Variants in RUBCN observed in about 807,000 individuals in gnomAD.
The protein encoded by RUBCN is run domain Beclin-1-interacting and cysteine-rich domain-containing protein.
RUBCN carries 74 observed loss-of-function variants against 113.2 expected under a neutral mutation model. The ratio of observed to expected loss-of-function variants is 0.65; its 90% CI spans 0.54 to 0.79. The LOEUF (loss-of-function observed/expected upper bound fraction) is 0.79, where lower values mean the gene tolerates loss of function less well. Ranked by LOEUF, RUBCN falls within the 30% of genes least tolerant of loss-of-function variation. The pLI is 0.00. For missense variants in RUBCN, 1,109 were observed against 1,251.7 expected, an observed-to-expected ratio of 0.89 and a Z score of 1.72; for synonymous variants, 480 against 490.0, an observed-to-expected ratio of 0.98 and a Z score of 0.27.
chr3:197,672,902 A>G lies in RUBCN; in HGVS notation c.*2116T>C, dbSNP rs1456718403. 6.6e-6 allele frequency: 1 copy of G among 152,358 alleles called. No individual in the cohort carries two copies. Among genetic ancestry groups the G allele is most frequent in the African/African-American group, 2.4e-5 (1 of 41,478 alleles). 9.4% of individuals were successfully genotyped at this position (152,358 alleles called of 1,614,324 possible). A position where few individuals can be genotyped will look rare whatever the true frequency, so the allele number is the denominator to read the frequency against. On this transcript the variant is annotated 3_prime_UTR_variant, in exon 20 of 20. Transcript: ENST00000296343. ...GAGACAGGGTTTCACCACATTGGCCAGGCTGGTCTCAAACTCCTGACCTCA... is the reference window on the plus strand; with the variant it reads ...GAGACAGGGTTTCACCACATTGGCCGGGCTGGTCTCAAACTCCTGACCTCA...
rs1479557752 is a variant in RUBCN at position 197,694,397 on chromosome 3, C to A, written c.1662G>T (p.Met554Ile). 1.9e-6 allele frequency: 3 copies of A among 1,614,112 alleles called. No individual in the cohort carries two copies. Among genetic ancestry groups the A allele is most frequent in the Non-Finnish European group, 2.5e-6 (3 of 1,180,040 alleles). The change falls in exon 10 of 20, where the codon ATG becomes ATT. Residue 554 changes from methionine (M) to isoleucine (I), a missense_variant. Physicochemically the swap from Met to Ile is conservative, Grantham distance 10. Coordinates refer to ENST00000296343, the MANE Select transcript of RUBCN (RefSeq NM_014687.4). The stretch of plus-strand genomic sequence containing the variant: ...GACTTCCGTGCTCAGCCTCCTGGTA[C>A]ATGGGGAGCAGGTTCTTGGTGCGGA... ...QQIRTKNLLP[M>I]YQEAEHGSFR...
intron 18 of RUBCN, chr3:197,676,561 C>T (rs534890373): frequency 1.7e-6 from 2 of 1,185,432 alleles, no homozygotes; most frequent in East Asian, 5.0e-5. Flanking sequence ...GACCCGCCCA[C>T]CTCGGCCTCC....
At position 197,672,171 on chromosome 3, in the gene RUBCN, C is replaced by T. The variant is rs200952644; in HGVS notation, c.*2847G>A. ...GCTCTAAATCCTTGGCAGAGAACGT[C>T]AAAAACAGCCTCATTTAAGTGGAAA... On this transcript the variant is annotated 3_prime_UTR_variant, in exon 20 of 20. Transcript: ENST00000296343. 4 of 152,198 alleles carry T rather than the reference C, an allele frequency of 2.6e-5. No homozygotes were observed. Among genetic ancestry groups the T allele is most frequent in the African/African-American group, 9.7e-5 (4 of 41,444 alleles). 9.4% of individuals were successfully genotyped at this position (152,198 alleles called of 1,614,324 possible). A position where few individuals can be genotyped will look rare whatever the true frequency, so the allele number is the denominator to read the frequency against.
intron 1 of RUBCN, among the ~76,000 whole-genome samples, chr3:197,725,761 G>C (rs1327693600): frequency 6.6e-6 from 1 of 152,020 alleles, no homozygotes; most frequent in African/African-American, 2.4e-5. Context: ...CAAATGCATT[G>C]AATTTCAACA....
In RUBCN at chr3:197,674,816, A is replaced by T; in HGVS notation, c.*202T>A. 1.8e-6 allele frequency: 1 copy of T among 543,680 alleles called. No individual in the cohort carries two copies. Among genetic ancestry groups the T allele is most frequent in the Non-Finnish European group, 3.2e-6 (1 of 313,108 alleles). 33.7% of individuals were successfully genotyped at this position (543,680 alleles called of 1,614,324 possible). A position where few individuals can be genotyped will look rare whatever the true frequency, so the allele number is the denominator to read the frequency against. ...ACCTGGTGTTTACAAATTATCTGTC[A>T]CCACAGACTCTGGACCCATCAACCT... On this transcript the variant is annotated 3_prime_UTR_variant, in exon 20 of 20. Transcript: ENST00000296343.
chr3:197,718,869 C>T (rs1203412294), intron 1 of RUBCN, among the ~76,000 whole-genome samples: 4 of 152,140 alleles, frequency 2.6e-5, no homozygotes, highest in Non-Finnish European at 5.9e-5. Flanking sequence ...TATTTCCAAG[C>T]GCTAACTACA....
At chr3:197,724,047 A>G (rs1436302417) in intron 1 of RUBCN, among the ~76,000 whole-genome samples, 1 of 152,170 alleles carries the variant, frequency 6.6e-6, no homozygotes, top group Non-Finnish European at 1.5e-5. Flanking sequence ...GTGGCAAGGG[A>G]GAGTATAACC....
intron 1 of RUBCN, among the ~76,000 whole-genome samples, chr3:197,724,330 T>C (rs1726497146): frequency 6.6e-6 from 1 of 152,280 alleles, no homozygotes; most frequent in East Asian, 1.9e-4. Context: ...TATTACACTA[T>C]ATAACTAATA....
At chr3:197,713,197 A>AATAGTGTTTTGCATTT (rs1489226487) in intron 2 of RUBCN, among the ~76,000 whole-genome samples, 3 of 152,198 alleles carry the variant, frequency 2.0e-5, no homozygotes, top group Non-Finnish European at 4.4e-5. Flanking sequence ...AAGATATGTG[A>AATAGTGTTTTGCATTT]ATAGTGTTTT....
At chr3:197,682,325 G>T in intron 14 of RUBCN, 145 bp downstream of exon 14, 1 of 972,860 alleles carries the variant, frequency 1.0e-6, no homozygotes, top group Non-Finnish European at 1.6e-6. Flanking sequence ...AGGACCAAAT[G>T]GACGACGCCC....
At position 197,697,046 on chromosome 3, in the gene RUBCN, G is replaced by A. The variant is rs764319328; in HGVS notation, c.1265C>T (p.Ser422Phe). The A allele has an allele frequency of 6.4e-7, 1 of 1,552,996 alleles. No individual in the cohort carries two copies. Among genetic ancestry groups the A allele is most frequent in the Non-Finnish European group, 8.9e-7 (1 of 1,124,332 alleles). The change falls in exon 8 of 20, where the codon TCC becomes TTC. Residue 422 changes from serine to phenylalanine, a missense_variant. Physicochemically the swap from Ser to Phe is radical, Grantham distance 155. This residue lies in a region of RUBCN where 736 missense variants were observed against 779.6 expected (regional missense o/e 0.94). Coordinates refer to ENST00000296343, the MANE Select transcript of RUBCN (RefSeq NM_014687.4). ...TSIASRGAPESCNDKAKLRGP... is the reference protein window; with the variant it reads ...TSIASRGAPEFCNDKAKLRGP... ...TCTCAACTTCGCCTTATCATTGCAG[G>A]ATTCTAATGACGATGACCACCAGCG... is the stretch of plus-strand genomic sequence containing the variant.
chr3:197,681,693 G>T lies in RUBCN; in HGVS notation c.2191+142C>A. 1 of 753,628 alleles carries T rather than the reference G, an allele frequency of 1.3e-6. No individual in the cohort carries two copies. Among genetic ancestry groups the T allele is most frequent in the Non-Finnish European group, 2.4e-6 (1 of 421,504 alleles). 46.7% of individuals were successfully genotyped at this position (753,628 alleles called of 1,614,324 possible). On this transcript the variant is annotated intron_variant, in intron 15 of 19. Transcript: ENST00000296343. The surrounding 1 kb of genome is among the most constrained non-coding windows in gnomAD (Gnocchi z 5.5). ...TTTCCCTCCGATTGCCAGCACTCTT[G>T]CCTACTACGAACCTTTCTTTCTCCT... is the stretch of plus-strand genomic sequence containing the variant.
chr3:197,701,732 G>C lies in RUBCN; in HGVS notation c.703C>G (p.Gln235Glu), dbSNP rs1295745054. The C allele has an allele frequency of 7.4e-6, 12 of 1,613,974 alleles. No homozygotes were observed. Among genetic ancestry groups the C allele is most frequent in the Non-Finnish European group, 1.0e-5 (12 of 1,179,956 alleles). ...SYFGSFSSLH[Q>E]SVPNNGSERR... Reference sequence around the variant, plus strand: ...CCTGAGCCATTGTTGGGCACGGATTGGTGGAGGCTAGAGAAGGACCCAAAG... The same window carrying C: ...CCTGAGCCATTGTTGGGCACGGATTCGTGGAGGCTAGAGAAGGACCCAAAG... Residue 235 changes from glutamine (Q) to glutamate (E), a missense_variant, in exon 6 of 20, where the codon CAA (glutamine) becomes GAA (glutamate). This residue lies in a region of RUBCN where 736 missense variants were observed against 779.6 expected (regional missense o/e 0.94). Transcript: ENST00000296343.
At chr3:197,714,543 G>A (rs1385898254) in intron 2 of RUBCN, among the ~76,000 whole-genome samples, 1 of 152,128 alleles carries the variant, frequency 6.6e-6, no homozygotes, top group African/African-American at 2.4e-5. Context: ...GGCTGGTCTT[G>A]TATTCCTGGC....
Position 197,675,641 on chromosome 3 carries a change from G to T in RUBCN, c.2647-126C>A, listed in dbSNP as rs1560396270. The T allele has an allele frequency of 2.7e-6, 2 of 750,674 alleles. No individual in the cohort carries two copies. Among genetic ancestry groups the T allele is most frequent in the African/African-American group, 3.4e-5 (2 of 58,128 alleles). The allele number at this position is 750,674 out of a possible 1,614,324, so 46.5% of individuals were successfully genotyped here. ...TGCCCACAGGGAGGAGGCCTGGGCT[G>T]GACTCAGAAGCATGAAAGCTAAACT... is the stretch of plus-strand genomic sequence containing the variant. On this transcript the variant is annotated intron_variant, in intron 18 of 19. Coordinates refer to ENST00000296343, the MANE Select transcript of RUBCN (RefSeq NM_014687.4). This position sits in a 1 kb window ranked among gnomAD's most constrained non-coding sequence, Gnocchi z 4.4.
At chr3:197,697,382 C>G (rs1056537639) in intron 7 of RUBCN, among the ~76,000 whole-genome samples, 2 of 152,226 alleles carry the variant, frequency 1.3e-5, no homozygotes, top group African/African-American at 4.8e-5. Context: ...GATTCCTATC[C>G]TCTTGACAAA....
At chr3:197,746,383 T>C (rs980796707) in intron 1 of RUBCN, among the ~76,000 whole-genome samples, 1 of 152,216 alleles carries the variant, frequency 6.6e-6, no homozygotes, top group African/African-American at 2.4e-5. Flanking sequence ...AGGGGTCTTA[T>C]CTCTGGCACG....
intron 11 of RUBCN, chr3:197,690,949 A>G: frequency 2.2e-6 from 1 of 459,130 alleles, no homozygotes; most frequent in East Asian, 7.1e-5. Context: ...TCTTCCAACT[A>G]GTTCTCCAGC....
chr3:197,734,568 C>A lies in RUBCN; in HGVS notation c.65+2087G>T, dbSNP rs373610410. Among the ~76,000 whole-genome samples, 52 of 152,250 alleles carry A rather than the reference C, an allele frequency of 3.4e-4. 1 individual carries two copies. The East Asian group carries it at 5.4e-3, about 16-fold the overall frequency. On this transcript the variant is annotated intron_variant, in intron 1 of 19. Coordinates refer to ENST00000296343, the MANE Select transcript of RUBCN (RefSeq NM_014687.4). ...CAATAACAGTAGTACCGACCACATA[C>A]AATAGTTATAGGGATTAAAGAAGTT... is the stretch of plus-strand genomic sequence containing the variant.
Sources: gnomAD v4.1 joint callset for allele counts (sites outside exome capture counted in the v4.1 genomes callset) on GRCh38, gnomAD v4.1.1 for gene constraint, gnomAD v4.1.1 regional missense constraint, Gnocchi (gnomAD v3.1) non-coding constraint, MANE v1.5 for transcripts, NCBI Gene and HGNC (gene_info 2026-07-23, HGNC 2026-07-21) for gene names.